The following PCDH15 variants were observed in gnomAD, a reference collection of about 807,000 sequenced individuals.
PCDH15 encodes the protein protocadherin-15.
Under a neutral mutation model 178.5 loss-of-function variants are expected in PCDH15, and 129 were observed. That is an observed-to-expected ratio of 0.72 (90% confidence interval 0.63 to 0.84). The LOEUF is 0.84. PCDH15 is among the 40% of genes least tolerant of loss of function. The pLI is 0.00. For missense variants in PCDH15, 2,230 were observed against 2,099.9 expected, an observed-to-expected ratio of 1.06 and a Z score of -1.21; for synonymous variants, 800 against 732.0, an observed-to-expected ratio of 1.09 and a Z score of -1.50.
At chr10:55,386,442 T>A (rs1837661786) in intron 2 of PCDH15, among the ~76,000 whole-genome samples, 1 of 152,046 alleles carries the variant, frequency 6.6e-6, no homozygotes, top group Non-Finnish European at 1.5e-5. Context: ...ATGAAGCTAC[T>A]TTAAATATAT....
At chr10:54,580,070 A>C (rs1193156805) in intron 2 of PCDH15, among the ~76,000 whole-genome samples, 1 of 152,006 alleles carries the variant, frequency 6.6e-6, no homozygotes, top group African/African-American at 2.4e-5. Context: ...AACCGGAGGA[A>C]AAGGAACAAT....
At chr10:54,700,333 C>T (rs973328339) in intron 1 of PCDH15, among the ~76,000 whole-genome samples, 4 of 152,038 alleles carry the variant, frequency 2.6e-5, no homozygotes, top group African/African-American at 9.7e-5. Flanking sequence ...GATGATCATG[C>T]TAGTTCCCCA....
intron 1 of PCDH15, among the ~76,000 whole-genome samples, chr10:54,756,096 C>CACACACACACACACACACAAAA (rs1469590473): frequency 6.8e-6 from 1 of 146,520 alleles, no homozygotes; most frequent in African/African-American, 2.5e-5. Flanking sequence ...CACACACACA[C>CACACACACACACACACACAAAA]AAAATTAGCT....
chr10:55,565,734 T>A (rs185538574), intron 2 of PCDH15, among the ~76,000 whole-genome samples: 25 of 151,604 alleles, frequency 1.6e-4, no homozygotes, highest in Non-Finnish European at 2.1e-4. Context: ...GAAATCTAAT[T>A]ACATATGAAA....
At chr10:54,509,192 G>A (rs1051775677) in intron 3 of PCDH15, among the ~76,000 whole-genome samples, 34 of 151,914 alleles carry the variant, frequency 2.2e-4, no homozygotes, top group Admixed American at 8.5e-4. Flanking sequence ...TGTCCCCACC[G>A]AAACCTCATC....
chr10:54,804,127 C>T (rs1171637522), upstream of PCDH15, among the ~76,000 whole-genome samples: 1 of 152,074 alleles, frequency 6.6e-6, no homozygotes, highest in Non-Finnish European at 1.5e-5. Flanking sequence ...GCAAGCTCCG[C>T]CTCCTGGGTT....
chr10:54,068,911 C>T (rs1406614014), intron 17 of PCDH15, among the ~76,000 whole-genome samples: 5 of 151,984 alleles, frequency 3.3e-5, no homozygotes, highest in East Asian at 1.9e-4. Flanking sequence ...ACATGTGTGT[C>T]GATATATGTA....
intron 29 of PCDH15, among the ~76,000 whole-genome samples, chr10:53,839,654 T>A (rs2132748975): frequency 7.1e-6 from 1 of 140,284 alleles, no homozygotes; most frequent in Admixed American, 7.3e-5. Flanking sequence ...GTCACCAGAG[T>A]AAAGAAAATT....
At chr10:55,162,135 A>G (rs1169544193) in intron 2 of PCDH15, among the ~76,000 whole-genome samples, 1 of 152,152 alleles carries the variant, frequency 6.6e-6, no homozygotes, top group Non-Finnish European at 1.5e-5. Flanking sequence ...TCTAATTTAA[A>G]TGGAGTCAGG....
chr10:53,883,313 T>TTAACCA (rs1342351236), intron 26 of PCDH15, among the ~76,000 whole-genome samples: 1 of 152,194 alleles, frequency 6.6e-6, no homozygotes, highest in African/African-American at 2.4e-5. Flanking sequence ...TTTTTTTGTT[T>TTAACCA]TAACCATTTT....
chr10:54,426,755 C>T (rs749326632), intron 3 of PCDH15, among the ~76,000 whole-genome samples: 6 of 152,032 alleles, frequency 3.9e-5, no homozygotes, highest in Non-Finnish European at 8.8e-5. Flanking sequence ...ACCTCTCTAG[C>T]CCTGGAAGAT....
intron 2 of PCDH15, among the ~76,000 whole-genome samples, chr10:55,035,518 C>A (rs982518860): frequency 2.4e-4 from 36 of 152,180 alleles, no homozygotes; most frequent in African/African-American, 8.2e-4. Flanking sequence ...CCAATATGTT[C>A]ATAATCCTAC....
chr10:54,782,565 A>C (rs1950477976), intron 1 of PCDH15, among the ~76,000 whole-genome samples: 1 of 152,074 alleles, frequency 6.6e-6, no homozygotes, highest in Non-Finnish European at 1.5e-5. Context: ...AATGTCTGTT[A>C]TCTCTCAATT....
intron 2 of PCDH15, among the ~76,000 whole-genome samples, chr10:54,924,348 T>C (rs1268750223): frequency 7.3e-6 from 1 of 137,836 alleles, no homozygotes; most frequent in Non-Finnish European, 1.7e-5. Context: ...CAACTACTAA[T>C]GGGCATTTAG....
At chr10:55,240,225 C>G (rs1176292151) in intron 1 of PCDH15, among the ~76,000 whole-genome samples, 1 of 152,044 alleles carries the variant, frequency 6.6e-6, no homozygotes, top group Admixed American at 6.5e-5. Context: ...GATATCAGAA[C>G]CTCTTGAATC....
At chr10:54,744,233 T>C (rs1435997521) in intron 1 of PCDH15, among the ~76,000 whole-genome samples, 1 of 152,118 alleles carries the variant, frequency 6.6e-6, no homozygotes, top group African/African-American at 2.4e-5. Context: ...AGTGGACCCA[T>C]CACTGGTTGA....
intron 8 of PCDH15, among the ~76,000 whole-genome samples, chr10:54,250,344 G>A (rs1370724805): frequency 4.8e-5 from 7 of 144,516 alleles, no homozygotes; most frequent in South Asian, 2.2e-4. Context: ...GGGCAGTGGC[G>A]CAATCTCGGC....
At chr10:53,891,432 C>T (rs1428514316) in intron 26 of PCDH15, among the ~76,000 whole-genome samples, 1 of 152,084 alleles carries the variant, frequency 6.6e-6, no homozygotes, top group Non-Finnish European at 1.5e-5. Flanking sequence ...TATTCCATAC[C>T]TATACCTTGG....
intron 2 of PCDH15, among the ~76,000 whole-genome samples, chr10:55,463,871 AAG>A (rs200397760): frequency 8.2e-6 from 1 of 122,234 alleles, no homozygotes; most frequent in African/African-American, 2.9e-5. Flanking sequence ...AGACGAAAGA[AAG>A]AGAGAGAGAA....
Sources: gnomAD v4.1 joint callset for allele counts (sites outside exome capture counted in the v4.1 genomes callset) on GRCh38, gnomAD v4.1.1 for gene constraint, MANE v1.5 for transcripts, NCBI Gene and HGNC (gene_info 2026-07-23, HGNC 2026-07-21) for gene names.